The following PCDHGA5 variants were observed in gnomAD, a reference collection of about 807,000 sequenced individuals.
PCDHGA5 encodes the protein protocadherin gamma subfamily A, 5, also known as protocadherin gamma-A5.
In PCDHGA5, 36 loss-of-function variants were observed where a neutral mutation model predicts 56.7. That is an observed-to-expected ratio of 0.64 (90% confidence interval 0.49 to 0.84). The LOEUF is 0.84. PCDHGA5 is among the 40% of genes least tolerant of loss of function. The pLI, the probability that PCDHGA5 is intolerant of heterozygous loss-of-function variation, is 0.00. For synonymous variants in PCDHGA5, 563 were observed against 520.2 expected, an observed-to-expected ratio of 1.08 and a Z score of -1.12; for missense variants, 1,305 against 1,201.5, an observed-to-expected ratio of 1.09 and a Z score of -1.27.
chr5:141,441,885 CA>C, intron 1 of PCDHGA5: 1 of 345,036 alleles, frequency 2.9e-6, no homozygotes. Context: ...ACCTGGTCAC[CA>C]AGGTGGTGGC....
At position 141,447,140 on chromosome 5, in the gene PCDHGA5, T is replaced by C. The variant is rs770212881; in HGVS notation, c.2422-47667T>C. ...ATGGATTTTTTTGTTTGTTTGTTTT[T>C]TGTTTTTGTTTTTGTTTAAGCGGGG... On this transcript the variant is annotated intron_variant, in intron 1 of 3. Coordinates refer to ENST00000518069, the MANE Select transcript of PCDHGA5 (RefSeq NM_018918.3). Among the ~76,000 whole-genome samples the C allele has an allele frequency of 6.6e-5, 10 of 152,158 alleles. 1 individual carries two copies. Among genetic ancestry groups the C allele is most frequent in the Non-Finnish European group, 1.2e-4 (8 of 68,042 alleles).
chr5:141,500,184 TTTTA>T (rs58019021), intron 2 of PCDHGA5, among the ~76,000 whole-genome samples: 6,359 of 135,894 alleles, frequency 0.047, 285 homozygotes, highest in African/African-American at 0.12. Context: ...TCATTTTTAT[TTTTA>T]TTTATTTATT....
At chr5:141,422,639 C>A (rs777330051) in intron 1 of PCDHGA5, 1 of 1,612,780 alleles carries the variant, frequency 6.2e-7, no homozygotes, top group South Asian at 1.1e-5. Context: ...AGGGGTGCCT[C>A]CATCTTCTCA....
intron 1 of PCDHGA5, chr5:141,409,193 TGTAAA>T (rs2095239502): frequency 1.2e-6 from 2 of 1,613,988 alleles, no homozygotes; most frequent in African/African-American, 1.3e-5. Context: ...CTCTACCCAG[TGTAAA>T]GTAATCATAG....
intron 2 of PCDHGA5, among the ~76,000 whole-genome samples, chr5:141,498,963 GGGAGGGAGGGAAGGAAGGAA>G (rs1472475865): frequency 5.7e-4 from 74 of 129,970 alleles, no homozygotes; most frequent in Non-Finnish European, 2.6e-4. Flanking sequence ...GAGAGAGGGA[GGGAGGGAGGGAAGGAAGGAA>G]GGAAGGAAGG....
chr5:141,434,106 T>C (rs1195019110), intron 1 of PCDHGA5, among the ~76,000 whole-genome samples: 1 of 152,236 alleles, frequency 6.6e-6, no homozygotes, highest in Non-Finnish European at 1.5e-5. Context: ...TGTCCCAGGA[T>C]TGGCCTTTGG....
chr5:141,410,849 C>CTTTTTTTTCTTTTT (rs2095433387), intron 1 of PCDHGA5: 1 of 129,786 alleles, frequency 7.7e-6, no homozygotes, highest in African/African-American at 6.0e-5. Flanking sequence ...TTGTCTTTGT[C>CTTTTTTTTCTTTTT]TTTTTTTTTT....
rs866878519 is a variant in PCDHGA5, at chr5:141,486,035, C to A, written c.2422-8772C>A. ...TTATTTCAGTGGTCATACCCCTGAT[C>A]GTGTAAGAAACCTCTTTAGCCTGCA... is the stretch of plus-strand genomic sequence containing the variant. On this transcript the variant is annotated intron_variant, in intron 1 of 3. Coordinates refer to ENST00000518069, the MANE Select transcript of PCDHGA5 (RefSeq NM_018918.3). This position sits in a 1 kb window ranked among gnomAD's most constrained non-coding sequence, Gnocchi z 5.0. The A allele has an allele frequency of 1.9e-6, 3 of 1,614,100 alleles. No homozygotes were observed. The East Asian group carries it at 6.7e-5, about 36-fold the overall frequency.
intron 2 of PCDHGA5, among the ~76,000 whole-genome samples, chr5:141,499,326 C>G (rs1465474737): frequency 6.6e-6 from 1 of 152,156 alleles, no homozygotes; most frequent in Non-Finnish European, 1.5e-5. Flanking sequence ...TATCCCTGCT[C>G]TCTCTCAGTT....
At chr5:141,383,538 A>G in intron 1 of PCDHGA5, 1 of 1,612,704 alleles carries the variant, frequency 6.2e-7, no homozygotes, top group African/African-American at 1.3e-5. Context: ...TGGTCCTCAC[A>G]GCCTCTGATG....
chr5:141,390,532 T>A, intron 1 of PCDHGA5: 1 of 531,632 alleles, frequency 1.9e-6, no homozygotes, highest in Non-Finnish European at 3.3e-6. Flanking sequence ...GGTGTGGTTT[T>A]AACCACAAAG....
intron 1 of PCDHGA5, among the ~76,000 whole-genome samples, chr5:141,492,632 C>T (rs1359761285): frequency 1.3e-5 from 2 of 152,256 alleles, no homozygotes; most frequent in Admixed American, 1.3e-4. Context: ...CAGGACTCTA[C>T]GATCCTTGGG....
At chr5:141,419,747 C>T (rs1322393151) in intron 1 of PCDHGA5, 3 of 1,613,840 alleles carry the variant, frequency 1.9e-6, no homozygotes, top group Admixed American at 1.7e-5. Context: ...GCGCATGGTG[C>T]GTGCTTTGGG....
chr5:141,480,578 A>G (rs1343189182), intron 1 of PCDHGA5, among the ~76,000 whole-genome samples: 1 of 133,254 alleles, frequency 7.5e-6, no homozygotes, highest in Admixed American at 7.4e-5. Context: ...GCAAGAAATA[A>G]CTGCCGCTCT....
intron 1 of PCDHGA5, chr5:141,398,705 A>G (rs778909536): frequency 6.2e-7 from 1 of 1,613,874 alleles, no homozygotes; most frequent in Admixed American, 1.7e-5. Flanking sequence ...AAATACCCGG[A>G]ACTGGCACTG....
intron 1 of PCDHGA5, among the ~76,000 whole-genome samples, chr5:141,454,703 A>C (rs933041937): frequency 1.3e-5 from 2 of 150,198 alleles, no homozygotes; most frequent in African/African-American, 4.9e-5. Flanking sequence ...ACCATGCTCC[A>C]CCTGCTTATT....
At chr5:141,393,124 T>C in intron 1 of PCDHGA5, 2 of 1,613,430 alleles carry the variant, frequency 1.2e-6, no homozygotes. Flanking sequence ...CGGTGTCTGA[T>C]AAATATTAAC....
intron 1 of PCDHGA5, among the ~76,000 whole-genome samples, chr5:141,446,325 T>G (rs1440954528): frequency 3.9e-5 from 6 of 152,124 alleles, no homozygotes; most frequent in African/African-American, 1.4e-4. Flanking sequence ...GTTTCCACAT[T>G]AAGGAACTGG....
chr5:141,443,235 C>G (rs1182428300), intron 1 of PCDHGA5, among the ~76,000 whole-genome samples: 2 of 151,642 alleles, frequency 1.3e-5, no homozygotes, highest in East Asian at 1.9e-4. Flanking sequence ...AATCTTAGCA[C>G]TTTGGGGCGC....
Sources: gnomAD v4.1 joint callset for allele counts (sites outside exome capture counted in the v4.1 genomes callset) on GRCh38, gnomAD v4.1.1 for gene constraint, Gnocchi (gnomAD v3.1) non-coding constraint, MANE v1.5 for transcripts, NCBI Gene and HGNC (gene_info 2026-07-23, HGNC 2026-07-21) for gene names.